Variants in CCDC141 observed in about 807,000 individuals in gnomAD.
CCDC141 encodes the protein coiled-coil domain-containing protein 141.
In CCDC141, 168 loss-of-function variants were observed where a neutral mutation model predicts 181.0. That is an observed-to-expected ratio of 0.93 (90% CI 0.82 to 1.05). The LOEUF (loss-of-function observed/expected upper bound fraction) is 1.05, where lower values mean the gene tolerates loss of function less well. CCDC141 is among the 50% of genes least tolerant of loss of function. The pLI, the probability that CCDC141 is intolerant of heterozygous loss-of-function variation, is 0.00. For synonymous variants in CCDC141, 666 were observed against 642.3 expected, an observed-to-expected ratio of 1.04 and a Z score of -0.56; for missense variants, 1,902 against 1,788.5, an observed-to-expected ratio of 1.06 and a Z score of -1.14.
At chr2:179,034,539 G>A (rs747108374) in intron 2 of CCDC141, among the ~76,000 whole-genome samples, 1 of 152,174 alleles carries the variant, frequency 6.6e-6, no homozygotes, top group Non-Finnish European at 1.5e-5. Flanking sequence ...GAGAGCAAAA[G>A]CATCTTTATA....
At chr2:178,957,995 G>A (rs1324610197) in intron 5 of CCDC141, among the ~76,000 whole-genome samples, 4 of 152,180 alleles carry the variant, frequency 2.6e-5, no homozygotes, top group African/African-American at 9.7e-5. Flanking sequence ...GCCATGAAAG[G>A]ACATGGAGGA....
In CCDC141 at chr2:179,050,118, A is replaced by C; in HGVS notation, c.-177T>G. On this transcript the variant is annotated 5_prime_UTR_variant, in exon 1 of 24. Transcript: ENST00000443758. ...AAAAATAGACAACCCCATTGAGTTT[A>C]TCGTGAGAGAGAAAGGAGCGAACGA... is the stretch of plus-strand genomic sequence containing the variant. 1.1e-6 allele frequency: 1 copy of C among 922,780 alleles called. No homozygotes were observed. Among genetic ancestry groups the C allele is most frequent in the East Asian group, 2.8e-5 (1 of 36,134 alleles). 57.2% of individuals were successfully genotyped at this position (922,780 alleles called of 1,614,324 possible). A position where few individuals can be genotyped will look rare whatever the true frequency, so the allele number is the denominator to read the frequency against.
intron 6 of CCDC141, among the ~76,000 whole-genome samples, chr2:178,939,779 C>A (rs950263952): frequency 6.6e-6 from 1 of 151,830 alleles, no homozygotes; most frequent in African/African-American, 2.4e-5. Flanking sequence ...TGTTGGGGGA[C>A]AAATGGGAAT....
At chr2:178,988,463 G>A (rs1029203526) in intron 2 of CCDC141, among the ~76,000 whole-genome samples, 2 of 147,344 alleles carry the variant, frequency 1.4e-5, no homozygotes, top group Non-Finnish European at 3.0e-5. Flanking sequence ...AAAACTTAAA[G>A]TATAATAATA....
intron 2 of CCDC141, among the ~76,000 whole-genome samples, chr2:178,997,110 T>C (rs1692323007): frequency 6.6e-6 from 1 of 152,180 alleles, no homozygotes; most frequent in African/African-American, 2.4e-5. Flanking sequence ...TAGAACATGA[T>C]CTTGAACCCA....
chr2:178,991,420 T>C (rs1692047914), intron 2 of CCDC141, among the ~76,000 whole-genome samples: 1 of 144,902 alleles, frequency 6.9e-6, no homozygotes, highest in South Asian at 2.2e-4. Flanking sequence ...ATGAATTTTG[T>C]CTCTTCAAAA....
At position 178,885,063 on chromosome 2, in the gene CCDC141, TG is replaced by T; in HGVS notation, c.1556del (p.Ala519GlufsTer4). 1 of 1,550,198 alleles carries T rather than the reference TG, an allele frequency of 6.5e-7. No individual in the cohort carries two copies. The highest frequency in any genetic ancestry group is 8.7e-7 in the Non-Finnish European group (1 of 1,146,710). The stretch of plus-strand genomic sequence containing the variant: ...ATTCATTTTTCTCCATCATGGTTTT[TG>T]CAGCTGCTTCTAATTCATGTGATGT... ...KETSHELEAA[A>X]KTMMEKNEFV... On this transcript the variant is annotated frameshift_variant, in exon 11 of 24. Transcript: ENST00000443758. LOFTEE classifies it high-confidence loss of function.
chr2:178,966,880 A>G (rs1690664081), intron 4 of CCDC141, among the ~76,000 whole-genome samples: 1 of 152,072 alleles, frequency 6.6e-6, no homozygotes, highest in South Asian at 2.1e-4. Flanking sequence ...ATTGCTAACT[A>G]GAATAACCAG....
intron 7 of CCDC141, among the ~76,000 whole-genome samples, chr2:178,909,992 CT>C (rs1688152514): frequency 6.6e-6 from 1 of 152,138 alleles, no homozygotes; most frequent in Admixed American, 6.5e-5. Flanking sequence ...TTTATATGTA[CT>C]ATTCAGTTTT....
chr2:178,877,238 T>C (rs1285972503), intron 12 of CCDC141: 2 of 152,196 alleles, frequency 1.3e-5, no homozygotes, highest in South Asian at 4.1e-4. Context: ...TTGGAAGGAC[T>C]TTCATGTGTA....
intron 2 of CCDC141, among the ~76,000 whole-genome samples, chr2:179,044,244 T>C (rs557170088): frequency 5.3e-5 from 8 of 152,184 alleles, no homozygotes; most frequent in Admixed American, 2.6e-4. Flanking sequence ...AAGCAATTTA[T>C]AGATTCAATA....
At chr2:178,872,712 T>C (rs1323548099) in intron 12 of CCDC141, among the ~76,000 whole-genome samples, 1 of 152,232 alleles carries the variant, frequency 6.6e-6, no homozygotes, top group Non-Finnish European at 1.5e-5. Context: ...AATATCAGTA[T>C]CAAGGCATAG....
rs148223435 is a variant in CCDC141, at chr2:178,856,379, C to A, written c.2743G>T (p.Asp915Tyr). 44 of 1,592,728 alleles carry A rather than the reference C, an allele frequency of 2.8e-5. No individual in the cohort carries two copies. In the African/African-American group the frequency reaches 4.7e-4, roughly 17 times the overall value. The change falls in exon 18 of 24, where the codon GAT (aspartate) becomes TAT (tyrosine). Residue 915 changes from aspartate to tyrosine, a missense_variant. Coordinates refer to ENST00000443758, the MANE Select transcript of CCDC141 (RefSeq NM_173648.4). ...EINELKDSFK[D>Y]IKKKFNNLKF... ...AAATTATTGAATTTCTTTTTGATAT[C>A]TTTGAATGAGTCTTTGAGCTGTAGT...
intron 2 of CCDC141, among the ~76,000 whole-genome samples, chr2:178,985,710 A>C (rs1340162015): frequency 2.6e-5 from 4 of 152,214 alleles, no homozygotes; most frequent in Non-Finnish European, 5.9e-5. Flanking sequence ...TAAACTAGAA[A>C]ATCTAGAAGA....
chr2:178,838,365 A>G (rs545054528), intron 22 of CCDC141, among the ~76,000 whole-genome samples: 14 of 152,248 alleles, frequency 9.2e-5, no homozygotes, highest in African/African-American at 3.1e-4. Flanking sequence ...CATCTTTCCA[A>G]TTGAAATTCT....
In CCDC141 at chr2:178,839,018, T is replaced by G. The variant is rs1341675676; in HGVS notation, c.3475-1274A>C. ...ACTTAGTATGTACTGGTTTTTGTCC[T>G]GCAGTAACTGATGCATATAGGAAAG... On this transcript the variant is annotated intron_variant, in intron 22 of 23. Coordinates refer to ENST00000443758, the MANE Select transcript of CCDC141 (RefSeq NM_173648.4). Among the ~76,000 whole-genome samples the G allele has an allele frequency of 1.7e-4, 26 of 152,242 alleles. 1 individual carries two copies. The highest frequency in any genetic ancestry group is 1.7e-3 in the Admixed American group (26 of 15,284).
At chr2:178,827,513 AC>A (rs1425026539), downstream of CCDC141, among the ~76,000 whole-genome samples, 6 of 152,074 alleles carry the variant, frequency 3.9e-5, no homozygotes, top group Non-Finnish European at 7.4e-5. Flanking sequence ...CCCTCCCTCG[AC>A]CCCTGTTGTG....
the CCDC141 span, among the ~76,000 whole-genome samples, chr2:178,816,781 A>G: frequency 3.9e-5 from 6 of 152,204 alleles, no homozygotes; most frequent in Non-Finnish European, 5.9e-5. Context: ...TAAAATAAGT[A>G]CTTTGGGATA....
intron 2 of CCDC141, among the ~76,000 whole-genome samples, chr2:178,981,657 T>TATATATATATATATATATATATAG (rs1553495348): frequency 7.6e-6 from 1 of 132,066 alleles, no homozygotes; most frequent in African/African-American, 2.9e-5. Flanking sequence ...TATATATATA[T>TATATATATATATATATATATATAG]ACATACATAT....
Sources: allele counts gnomAD v4.1 joint callset (sites outside exome capture counted in the v4.1 genomes callset), GRCh38; gene constraint gnomAD v4.1.1; transcripts MANE v1.5; gene names NCBI Gene and HGNC (gene_info 2026-07-23, HGNC 2026-07-21).